Variants in ADGRF5 observed in about 807,000 individuals in gnomAD.
ADGRF5 encodes the protein adhesion G protein-coupled receptor F5, also known as G-protein coupled receptor 116.
ADGRF5 carries 75 observed loss-of-function variants against 132.3 expected under a neutral mutation model. That is an observed-to-expected ratio of 0.57 (90% CI 0.47 to 0.69). The LOEUF (loss-of-function observed/expected upper bound fraction) is 0.69. Among genes scored for constraint, ADGRF5 ranks in the 30% least tolerant of loss-of-function variants. The pLI is 0.00. For missense variants in ADGRF5, 1,516 were observed against 1,630.6 expected (o/e 0.93, Z 1.21); for synonymous variants, 629 against 597.6 (o/e 1.05, Z -0.77).
rs377263381 is a variant in ADGRF5 at position 46,868,928 on chromosome 6, C to T, written c.1576G>A (p.Ala526Thr). ...GTCTTGACTGTCAGTACTGATTCTG[C>T]TCCATCAAGATACCTCCTCGTGGTA... The part of the protein sequence containing the change: ...FYTTRRYLDG[A>T]ESVLTVKTST... Residue 526 changes from alanine to threonine, a missense_variant, in exon 12 of 21, where the codon GCA becomes ACA. By Grantham distance (58) the Ala-to-Thr change is moderately conservative. Coordinates refer to ENST00000283296, the MANE Select transcript of ADGRF5 (RefSeq NM_001098518.2). 1.9e-6 allele frequency: 3 copies of T among 1,613,432 alleles called. No individual in the cohort carries two copies. Among genetic ancestry groups the T allele is most frequent in the South Asian group, 1.1e-5 (1 of 91,070 alleles).
intron 19 of ADGRF5, among the ~76,000 whole-genome samples, chr6:46,856,448 T>C (rs1292453459): frequency 1.3e-5 from 2 of 152,238 alleles, no homozygotes; most frequent in African/African-American, 2.4e-5. Context: ...GTTTATATCA[T>C]ATATTATTTT....
In ADGRF5 at chr6:46,865,216, A is replaced by G. The variant is rs1770279560; in HGVS notation, c.1835-19T>C. 3.1e-6 allele frequency: 5 copies of G among 1,587,806 alleles called. No homozygotes were observed. Among genetic ancestry groups the G allele is most frequent in the African/African-American group, 1.3e-5 (1 of 74,376 alleles). On this transcript the variant is annotated intron_variant, in intron 13 of 20. Transcript: ENST00000283296. Reference sequence around the variant, plus strand: ...TCTTTTGCTGAAGACAGAATTATTGAAAGAATTAAGTCACAACATGAGTCT... The same window carrying G: ...TCTTTTGCTGAAGACAGAATTATTGGAAGAATTAAGTCACAACATGAGTCT...
At chr6:46,953,987 G>T (rs937631182) in intron 1 of ADGRF5, among the ~76,000 whole-genome samples, 6 of 151,444 alleles carry the variant, frequency 4.0e-5, no homozygotes, top group Non-Finnish European at 8.8e-5. Context: ...ATTTATAGTG[G>T]TACTTAAATA....
At chr6:46,895,107 G>A (rs1211457537) in intron 3 of ADGRF5, among the ~76,000 whole-genome samples, 2 of 152,110 alleles carry the variant, frequency 1.3e-5, no homozygotes, top group Admixed American at 1.3e-4. Context: ...AACCTGGGAG[G>A]CGGAGGTTGC....
Position 46,899,677 on chromosome 6 carries a change from G to GT in ADGRF5, c.157+351dup, listed in dbSNP as rs777077950. 7.6e-3 allele frequency among the ~76,000 whole-genome samples: 1,104 copies of GT among 144,546 alleles called. 6 individuals are homozygous for GT. The highest frequency in any genetic ancestry group is 0.011 in the Non-Finnish European group (702 of 65,748). The allele number at this position is 144,546 out of a possible 152,430, so 94.8% of individuals were successfully genotyped here. A position where few individuals can be genotyped will look rare whatever the true frequency, so the allele number is the denominator to read the frequency against. ...AGAAGTTTTTTTTTTTGTTTGTTTT[G>GT]TTTTTTTTTTTAAAGCAAAAAGAAA... On this transcript the variant is annotated intron_variant, in intron 3 of 20. Transcript: ENST00000283296.
chr6:46,875,074 C>A (rs1771495310), intron 10 of ADGRF5, among the ~76,000 whole-genome samples: 1 of 152,182 alleles, frequency 6.6e-6, no homozygotes, highest in Non-Finnish European at 1.5e-5. Flanking sequence ...CTACTGTTAA[C>A]CCAGAAAACC....
intron 1 of ADGRF5, among the ~76,000 whole-genome samples, chr6:46,947,410 C>T (rs1183137883): frequency 6.6e-6 from 1 of 152,202 alleles, no homozygotes; most frequent in Non-Finnish European, 1.5e-5. Flanking sequence ...TACCTATTTC[C>T]TCTCCATTAA....
Position 46,853,433 on chromosome 6 carries a change from T to C in ADGRF5, c.*559A>G, listed in dbSNP as rs1418884551. 6.6e-6 allele frequency: 1 copy of C among 152,470 alleles called. No homozygotes were observed. Among genetic ancestry groups the C allele is most frequent in the Non-Finnish European group, 1.5e-5 (1 of 68,254 alleles). The allele number at this position is 152,470 out of a possible 1,614,324, so 9.4% of individuals were successfully genotyped here. On this transcript the variant is annotated 3_prime_UTR_variant, in exon 21 of 21. Coordinates refer to ENST00000283296, the MANE Select transcript of ADGRF5 (RefSeq NM_001098518.2). The stretch of plus-strand genomic sequence containing the variant: ...GCCATTAAAAAAAAATTCTCAATGT[T>C]GCACTGAGTGATTATATTAGATCAT...
chr6:46,927,303 G>A (rs1169233814), intron 1 of ADGRF5, among the ~76,000 whole-genome samples: 2 of 150,960 alleles, frequency 1.3e-5, no homozygotes, highest in Non-Finnish European at 2.9e-5. Flanking sequence ...GGGCGGCGGG[G>A]GTGGGTGGAG....
At chr6:46,919,051 A>G (rs966144817) in intron 1 of ADGRF5, among the ~76,000 whole-genome samples, 2 of 152,144 alleles carry the variant, frequency 1.3e-5, no homozygotes, top group African/African-American at 4.8e-5. Flanking sequence ...TCTCTTTGTT[A>G]AGTTCCTAGG....
chr6:46,908,886 C>G (rs2150902523), intron 1 of ADGRF5: 1 of 152,190 alleles, frequency 6.6e-6, no homozygotes, highest in South Asian at 2.1e-4. Context: ...AGAAAGCCAC[C>G]ACTTTGAAAG....
chr6:46,942,155 G>A (rs573698806), intron 1 of ADGRF5, among the ~76,000 whole-genome samples: 3 of 152,214 alleles, frequency 2.0e-5, no homozygotes, highest in African/African-American at 7.2e-5. Context: ...CCCTCTAGTA[G>A]TGTGTACACC....
intron 1 of ADGRF5, among the ~76,000 whole-genome samples, chr6:46,947,935 G>A (rs1311864636): frequency 6.6e-6 from 1 of 152,130 alleles, no homozygotes; most frequent in African/African-American, 2.4e-5. Flanking sequence ...CTTTGATTGG[G>A]CAGGGGTGGT....
At position 46,863,144 on chromosome 6, in the gene ADGRF5, A is replaced by C. The variant is rs779771528; in HGVS notation, c.1991-48T>G. On this transcript the variant is annotated intron_variant, in intron 14 of 20. Coordinates refer to ENST00000283296, the MANE Select transcript of ADGRF5 (RefSeq NM_001098518.2). ...AAGGGATAATTGCAAGGAAGAGACA[A>C]TATAGTAGAAATACGGTCAGGCCAA... The C allele has an allele frequency of 5.1e-6, 7 of 1,377,690 alleles. No homozygotes were observed. In the Admixed American group the frequency reaches 8.4e-5, roughly 17 times the overall value. The allele number at this position is 1,377,690 out of a possible 1,614,324, so 85.3% of individuals were successfully genotyped here. A position where few individuals can be genotyped will look rare whatever the true frequency, so the allele number is the denominator to read the frequency against.
rs758672828 is a variant in ADGRF5, at chr6:46,869,161, A to G, written c.1412-69T>C. The G allele has an allele frequency of 2.6e-6, 4 of 1,549,456 alleles. No homozygotes were observed. The East Asian group carries it at 9.4e-5, about 37-fold the overall frequency. On this transcript the variant is annotated intron_variant, in intron 11 of 20. Transcript: ENST00000283296. ...TTCAATGTGTAGTATCTCTGGGGAC[A>G]TTAACATATGACTGAAACTTCAGAG...
intron 10 of ADGRF5, among the ~76,000 whole-genome samples, chr6:46,875,855 T>C (rs1176387954): frequency 6.6e-6 from 1 of 152,212 alleles, no homozygotes; most frequent in African/African-American, 2.4e-5. Flanking sequence ...CCACAATAAC[T>C]ATTTTGTGAT....
chr6:46,953,025 A>C (rs1561846311), intron 1 of ADGRF5, among the ~76,000 whole-genome samples: 3 of 152,232 alleles, frequency 2.0e-5, no homozygotes, highest in African/African-American at 7.2e-5. Context: ...GGCAGGCATT[A>C]GAGCATTCAA....
At chr6:46,947,201 T>C (rs1447534794) in intron 1 of ADGRF5, among the ~76,000 whole-genome samples, 1 of 152,162 alleles carries the variant, frequency 6.6e-6, no homozygotes, top group Non-Finnish European at 1.5e-5. Context: ...AGCCAATAAG[T>C]AGACTCCAAA....
rs775483915 is a variant in ADGRF5, at chr6:46,852,583, C to T, written c.*1409G>A. The T allele has an allele frequency of 6.6e-6, 1 of 152,082 alleles. No homozygotes were observed. The highest frequency in any genetic ancestry group is 1.5e-5 in the Non-Finnish European group (1 of 68,034). The allele number at this position is 152,082 out of a possible 1,614,324, so 9.4% of individuals were successfully genotyped here. A position where few individuals can be genotyped will look rare whatever the true frequency, so the allele number is the denominator to read the frequency against. On this transcript the variant is annotated 3_prime_UTR_variant, in exon 21 of 21. Transcript: ENST00000283296. ...CTGTATCAATAGTACATGGTTAACT[C>T]TAATATGCGTGCAATTTTCATAAAT...
Sources: gnomAD v4.1 joint callset for allele counts (sites outside exome capture counted in the v4.1 genomes callset) on GRCh38, gnomAD v4.1.1 for gene constraint, MANE v1.5 for transcripts, NCBI Gene and HGNC (gene_info 2026-07-23, HGNC 2026-07-21) for gene names.